The following URGCP variants were observed in gnomAD, a reference collection of about 807,000 sequenced individuals.
The protein encoded by URGCP is up-regulator of cell proliferation.
In URGCP, 13 loss-of-function variants were observed where a neutral mutation model predicts 24.6. The ratio of observed to expected loss-of-function variants is 0.53; its 90% CI spans 0.34 to 0.84. The LOEUF (loss-of-function observed/expected upper bound fraction) is 0.84, where lower values mean the gene tolerates loss of function less well. Among genes scored for constraint, URGCP ranks in the 40% least tolerant of loss-of-function variants. URGCP has a pLI of 0.01. For synonymous variants in URGCP, 444 were observed against 487.2 expected, an observed-to-expected ratio of 0.91 and a Z score of 1.17; for missense variants, 899 against 1,194.3, an observed-to-expected ratio of 0.75 and a Z score of 3.64.
Position 43,877,522 on chromosome 7 carries a change from T to C in URGCP, c.1941A>G (p.Pro647=). The change falls in exon 6 of 6, where the codon CCA becomes CCG. Residue 647 remains proline, a synonymous_variant. Coordinates refer to ENST00000453200, the MANE Select transcript of URGCP (RefSeq NM_001077663.3). ...TCAGCAGCAGCTCCGAGGCCAAGCC[T>C]GGGAAGTGGGCAAAACGCCTCTGGC... The part of the protein sequence containing the change: ...PAGQRRFAHF[P]GLASELLLTG... 8 of 1,613,140 alleles carry C rather than the reference T, an allele frequency of 5.0e-6. No homozygotes were observed. The highest frequency in any genetic ancestry group is 5.9e-6 in the Non-Finnish European group (7 of 1,180,018).
intron 1 of URGCP, among the ~76,000 whole-genome samples, chr7:43,903,728 G>A (rs1373525561): frequency 6.6e-6 from 1 of 152,110 alleles, no homozygotes; most frequent in Non-Finnish European, 1.5e-5. Flanking sequence ...TCCCAATGCT[G>A]CATACAATTT....
At chr7:43,920,115 A>C in intron 1 of URGCP, 2 of 889,158 alleles carry the variant, frequency 2.2e-6, no homozygotes, top group Non-Finnish European at 3.5e-6. Context: ...GCCCTGCCTG[A>C]CTGACCACTC....
At chr7:43,887,325 T>C in intron 3 of URGCP, 90 bp downstream of exon 3, 1 of 1,488,260 alleles carries the variant, frequency 6.7e-7, no homozygotes, top group African/African-American at 1.4e-5. Context: ...CAATCCCAAG[T>C]CCAGGAGGGG....
chr7:43,917,332 C>T (rs762950247), intron 1 of URGCP, among the ~76,000 whole-genome samples: 18 of 152,108 alleles, frequency 1.2e-4, no homozygotes, highest in South Asian at 2.1e-4. Flanking sequence ...CATGTCTCTC[C>T]GTATAGTTCT....
intron 1 of URGCP, among the ~76,000 whole-genome samples, chr7:43,898,439 T>C (rs1052077253): frequency 6.6e-6 from 1 of 152,224 alleles, no homozygotes; most frequent in East Asian, 1.9e-4. Context: ...TTTAAAATAC[T>C]GAATCTGATT....
rs34790770 is a variant in URGCP, at chr7:43,896,454, C to CAA, written c.15-8640_15-8639dup. Among the ~76,000 whole-genome samples, 772 of 85,070 alleles carry CAA rather than the reference C, an allele frequency of 9.1e-3. 15 individuals are homozygous for CAA. The highest frequency in any genetic ancestry group is 0.03 in the African/African-American group (707 of 23,290). 55.8% of individuals were successfully genotyped at this position (85,070 alleles called of 152,430 possible). ...TGGGCGACAGAGAGAGACTCTGTCT[C>CAA]AAAAAAAAAAAAAAAAAAGATACAA... On this transcript the variant is annotated intron_variant, in intron 1 of 5. Transcript: ENST00000453200.
At chr7:43,894,495 G>A (rs1287193311) in intron 1 of URGCP, among the ~76,000 whole-genome samples, 1 of 151,936 alleles carries the variant, frequency 6.6e-6, no homozygotes, top group Non-Finnish European at 1.5e-5. Flanking sequence ...ACTAACTACA[G>A]GTGCATGCCA....
chr7:43,917,965 A>C (rs1368919764), intron 1 of URGCP, among the ~76,000 whole-genome samples: 2 of 152,010 alleles, frequency 1.3e-5, no homozygotes, highest in African/African-American at 2.4e-5. Flanking sequence ...CGTCTCAAAA[A>C]ACAAAACAAA....
At chr7:43,881,433 G>C (rs568604813) in intron 5 of URGCP, among the ~76,000 whole-genome samples, 22 of 151,904 alleles carry the variant, frequency 1.4e-4, no homozygotes, top group African/African-American at 4.3e-4. Context: ...GGTGGTGGAG[G>C]GGGGGCCTGG....
intron 3 of URGCP, among the ~76,000 whole-genome samples, chr7:43,883,477 C>T (rs2095857817): frequency 6.6e-6 from 1 of 150,998 alleles, no homozygotes; most frequent in South Asian, 2.1e-4. Flanking sequence ...TCTCCTGCCT[C>T]AGCCTCCTGA....
Position 43,877,945 on chromosome 7 carries a change from T to G in URGCP, c.1518A>C (p.Gln506His). 2.5e-6 allele frequency: 4 copies of G among 1,614,160 alleles called. No homozygotes were observed. Among genetic ancestry groups the G allele is most frequent in the Non-Finnish European group, 3.4e-6 (4 of 1,180,022 alleles). ...GGAGCTGGCAGAACTCCTTCTCCACTTGGGCTGCCTTTCTCCAGGGGTCCC... is the reference window on the plus strand; with the variant it reads ...GGAGCTGGCAGAACTCCTTCTCCACGTGGGCTGCCTTTCTCCAGGGGTCCC... ...LQGDPWRKAA[Q>H]VEKEFCQLQW... The change falls in exon 6 of 6, where the codon CAA becomes CAC. Residue 506 changes from glutamine (Q) to histidine (H), a missense_variant. Gln to His is a conservative substitution (Grantham distance 24). Transcript: ENST00000453200.
intron 1 of URGCP, chr7:43,918,733 G>A: frequency 1.3e-6 from 1 of 763,246 alleles, no homozygotes; most frequent in Non-Finnish European, 2.3e-6. Flanking sequence ...TTGGGCCAGT[G>A]CAGCAATCAG....
At chr7:43,915,793 G>A (rs537722288) in intron 1 of URGCP, among the ~76,000 whole-genome samples, 1 of 152,352 alleles carries the variant, frequency 6.6e-6, no homozygotes, top group East Asian at 1.9e-4. Flanking sequence ...CAGATCACCT[G>A]AGGTCAGGAG....
chr7:43,881,832 A>C, intron 4 of URGCP, 75 bp downstream of exon 4: 1 of 1,605,744 alleles, frequency 6.2e-7, no homozygotes, highest in Non-Finnish European at 8.5e-7. Flanking sequence ...CTAAATATAA[A>C]ATCCCGGTTA....
chr7:43,878,450 C>T lies in URGCP; in HGVS notation c.1013G>A (p.Arg338Lys). 1 of 1,614,186 alleles carries T rather than the reference C, an allele frequency of 6.2e-7. No individual in the cohort carries two copies. Residue 338 changes from arginine to lysine, a missense_variant, in exon 6 of 6, where the codon AGA becomes AAA. Physicochemically the swap from Arg to Lys is conservative, Grantham distance 26 (BLOSUM62 2). Transcript: ENST00000453200. This position sits in a 1 kb window ranked among gnomAD's most constrained non-coding sequence, Gnocchi z 5.6. ...CAGCCAGTGAGACCCGATGTCACCT[C>T]TCAGGTTCAGAAAGGCCACAGGTTC... ...FPEPVAFLNL[R>K]GDIGSHWLQF...
At chr7:43,884,669 A>T (rs1182669500) in intron 3 of URGCP, among the ~76,000 whole-genome samples, 2 of 152,156 alleles carry the variant, frequency 1.3e-5, no homozygotes, top group Non-Finnish European at 2.9e-5. Context: ...GTCTCTACAA[A>T]AAGTTTTTTA....
At chr7:43,884,693 G>A (rs1006621886) in intron 3 of URGCP, among the ~76,000 whole-genome samples, 8 of 152,120 alleles carry the variant, frequency 5.3e-5, no homozygotes, top group Non-Finnish European at 1.0e-4. Context: ...AATTAGTCGG[G>A]TGCAGTGGCT....
chr7:43,885,697 G>A (rs1406390446), intron 3 of URGCP, among the ~76,000 whole-genome samples: 2 of 152,094 alleles, frequency 1.3e-5, no homozygotes, highest in Non-Finnish European at 2.9e-5. Context: ...CATCCAATAA[G>A]GCCATTCCCT....
At position 43,876,437 on chromosome 7, in the gene URGCP, C is replaced by T; in HGVS notation, c.*230G>A. On this transcript the variant is annotated 3_prime_UTR_variant, in exon 6 of 6. Transcript: ENST00000453200. Reference sequence around the variant, plus strand: ...GACAGAACAAACTGCTGCTTGTCTCCCTACCCTGGGGGCTGTGATATTCTT... The same window carrying T: ...GACAGAACAAACTGCTGCTTGTCTCTCTACCCTGGGGGCTGTGATATTCTT... The T allele has an allele frequency of 3.6e-6, 2 of 562,486 alleles. No individual in the cohort carries two copies. The allele number at this position is 562,486 out of a possible 1,614,324, so 34.8% of individuals were successfully genotyped here.
Sources: allele counts gnomAD v4.1 joint callset (sites outside exome capture counted in the v4.1 genomes callset), GRCh38; gene constraint gnomAD v4.1.1; non-coding constraint Gnocchi (gnomAD v3.1); transcripts MANE v1.5; gene names NCBI Gene and HGNC (gene_info 2026-07-23, HGNC 2026-07-21).